The following RPA3 variants were observed in gnomAD, a reference collection of about 807,000 sequenced individuals.
RPA3 encodes the protein replication protein A 14 kDa subunit.
In RPA3, 24 loss-of-function variants were observed where a neutral mutation model predicts 13.7. The ratio of observed to expected loss-of-function variants is 1.75; its 90% CI spans 1.27 to 2.46. The LOEUF (loss-of-function observed/expected upper bound fraction) is 2.46, where lower values mean the gene tolerates loss of function less well. Ranked by LOEUF, RPA3 falls within the 30% of genes most tolerant of loss-of-function variation. RPA3 has a pLI of 0.00. For missense variants in RPA3, 183 were observed against 151.0 expected (o/e 1.21, Z -1.11); for synonymous variants, 59 against 51.2 (o/e 1.15, Z -0.65).
chr7:7,636,847 T>G lies in RPA3; in HGVS notation c.*153A>C, dbSNP rs1441056996. 1.6e-6 allele frequency: 1 copy of G among 634,772 alleles called. No individual in the cohort carries two copies. The highest frequency in any genetic ancestry group is 2.8e-6 in the Non-Finnish European group (1 of 357,968). 39.3% of individuals were successfully genotyped at this position (634,772 alleles called of 1,614,324 possible). On this transcript the variant is annotated 3_prime_UTR_variant, in exon 8 of 8. Transcript: ENST00000223129. ...AAAGGACTTCGGTGAGAACTGTCAA[T>G]ATATCAGTTCCATCAAAAACTCTAG... is the stretch of plus-strand genomic sequence containing the variant.
intron 2 of RPA3, among the ~76,000 whole-genome samples, chr7:7,691,490 T>C (rs1208302318): frequency 6.6e-6 from 1 of 152,216 alleles, no homozygotes; most frequent in Non-Finnish European, 1.5e-5. Flanking sequence ...AAAGAGCATT[T>C]TGACTTCAAG....
chr7:7,645,108 G>T (rs1236710896), intron 4 of RPA3, among the ~76,000 whole-genome samples: 2 of 151,920 alleles, frequency 1.3e-5, no homozygotes, highest in African/African-American at 4.8e-5. Context: ...TTGGTATATA[G>T]AAATGCCATT....
At chr7:7,677,908 C>T (rs994070523) in intron 4 of RPA3, among the ~76,000 whole-genome samples, 5 of 151,596 alleles carry the variant, frequency 3.3e-5, no homozygotes, top group Admixed American at 1.3e-4. Context: ...CTCCTGACCT[C>T]GTGATCCGCC....
intron 4 of RPA3, among the ~76,000 whole-genome samples, chr7:7,642,097 T>C (rs539741709): frequency 1.1e-4 from 16 of 152,336 alleles, no homozygotes; most frequent in African/African-American, 3.8e-4. Context: ...AGCAAGTTGA[T>C]GTGCATTATA....
chr7:7,649,175 A>AGAAAAG (rs58651463), intron 4 of RPA3, among the ~76,000 whole-genome samples: 1 of 104,604 alleles, frequency 9.6e-6, no homozygotes, highest in African/African-American at 3.9e-5. Flanking sequence ...AAAAAAAAAA[A>AGAAAAG]AAAAGAAAAG....
At chr7:7,649,050 C>T (rs1370019368) in intron 4 of RPA3, among the ~76,000 whole-genome samples, 4 of 149,004 alleles carry the variant, frequency 2.7e-5, no homozygotes, top group Non-Finnish European at 5.9e-5. Context: ...CCCAGCTACT[C>T]AGGAGGCTGA....
intron 3 of RPA3, among the ~76,000 whole-genome samples, chr7:7,686,786 T>G (rs1291099419): frequency 6.6e-6 from 1 of 152,210 alleles, no homozygotes; most frequent in Non-Finnish European, 1.5e-5. Flanking sequence ...GGTGTGAAGA[T>G]TATGATGAAG....
intron 4 of RPA3, among the ~76,000 whole-genome samples, chr7:7,658,717 A>G (rs1220402801): frequency 1.3e-5 from 2 of 152,180 alleles, no homozygotes; most frequent in Admixed American, 6.5e-5. Context: ...GTTTGCCAGT[A>G]TCTTATTGAG....
At chr7:7,682,569 C>G (rs1779939104) in intron 4 of RPA3, among the ~76,000 whole-genome samples, 1 of 152,110 alleles carries the variant, frequency 6.6e-6, no homozygotes, top group Admixed American at 6.5e-5. Context: ...TTGATTCTGT[C>G]TAGGGTTGAA....
At chr7:7,682,225 CCAGAATTTAATAATTCA>C (rs1356971573) in intron 4 of RPA3, among the ~76,000 whole-genome samples, 3 of 152,090 alleles carry the variant, frequency 2.0e-5, no homozygotes, top group Non-Finnish European at 4.4e-5. Context: ...GAATTTAGAA[CCAGAATTTAATAATTCA>C]CAGCAGCTTG....
At chr7:7,639,558 C>A (rs1397581942) in intron 5 of RPA3, among the ~76,000 whole-genome samples, 1 of 152,148 alleles carries the variant, frequency 6.6e-6, no homozygotes, top group Non-Finnish European at 1.5e-5. Flanking sequence ...TATCTGGGTC[C>A]TACTCCTGGG....
At chr7:7,671,834 C>T (rs1779613091) in intron 4 of RPA3, among the ~76,000 whole-genome samples, 1 of 152,138 alleles carries the variant, frequency 6.6e-6, no homozygotes, top group Non-Finnish European at 1.5e-5. Flanking sequence ...TTACTATATC[C>T]AGTAAGCACT....
intron 4 of RPA3, among the ~76,000 whole-genome samples, chr7:7,671,868 T>C (rs1400617096): frequency 1.3e-5 from 2 of 152,184 alleles, no homozygotes; most frequent in Non-Finnish European, 2.9e-5. Context: ...TCAGAAGCTG[T>C]TCCTTTTTTC....
chr7:7,684,117 A>T (rs778484954), intron 4 of RPA3, among the ~76,000 whole-genome samples: 1 of 152,226 alleles, frequency 6.6e-6, no homozygotes, highest in Non-Finnish European at 1.5e-5. Context: ...ACCTAATGCA[A>T]TGTAAATGCT....
Position 7,709,317 on chromosome 7 carries a change from G to C in RPA3, c.-1028+5858C>G, listed in dbSNP as rs182148631. The stretch of plus-strand genomic sequence containing the variant: ...TTGTAAATATGAACATTAGAAACTT[G>C]TTCAATTGTGGGTCGTCATTAATTC... On this transcript the variant is annotated intron_variant, in intron 2 of 7. Transcript: ENST00000223129. 1.5e-3 allele frequency among the ~76,000 whole-genome samples: 234 copies of C among 152,322 alleles called. 1 individual carries two copies. Among genetic ancestry groups the C allele is most frequent in the African/African-American group, 5.3e-3 (219 of 41,570 alleles).
At chr7:7,663,604 ATGAATC>A (rs148440372) in intron 4 of RPA3, among the ~76,000 whole-genome samples, 3,381 of 152,302 alleles carry the variant, frequency 0.022, 133 homozygotes, top group African/African-American at 0.078. Flanking sequence ...GGTCTCTACT[ATGAATC>A]TAAAATCTGT....
intron 4 of RPA3, among the ~76,000 whole-genome samples, chr7:7,646,479 G>A (rs1211438355): frequency 2.1e-5 from 2 of 93,424 alleles, no homozygotes. Context: ...CCTTTCGCTG[G>A]ATTTTTTTTT....
chr7:7,689,047 T>A (rs1389636374), intron 2 of RPA3, among the ~76,000 whole-genome samples: 1 of 152,152 alleles, frequency 6.6e-6, no homozygotes, highest in Non-Finnish European at 1.5e-5. Flanking sequence ...TTCCTTTACT[T>A]CCCTACCTCT....
At chr7:7,717,053 T>C (rs1780928717) in intron 1 of RPA3, among the ~76,000 whole-genome samples, 2 of 148,754 alleles carry the variant, frequency 1.3e-5, no homozygotes, top group African/African-American at 5.1e-5. Flanking sequence ...TCTTTCTTTC[T>C]TTTTTTCTTT....
Sources: allele counts gnomAD v4.1 joint callset (sites outside exome capture counted in the v4.1 genomes callset), GRCh38; gene constraint gnomAD v4.1.1; transcripts MANE v1.5; gene names NCBI Gene and HGNC (gene_info 2026-07-23, HGNC 2026-07-21).